The following DENND2A variants were observed in gnomAD, a reference collection of about 807,000 sequenced individuals.
The protein encoded by DENND2A is DENN domain-containing protein 2A.
DENND2A carries 53 observed loss-of-function variants against 105.3 expected under a neutral mutation model. The observed-to-expected ratio is 0.50, with a 90% confidence interval of 0.40 to 0.63. The LOEUF is 0.63. DENND2A is among the 30% of genes least tolerant of loss of function. The pLI is 0.00. For synonymous variants in DENND2A, 522 were observed against 508.4 expected (o/e 1.03, Z -0.36); for missense variants, 1,138 against 1,279.6 (o/e 0.89, Z 1.69).
At chr7:140,549,033 C>T (rs1797013720) in intron 12 of DENND2A, among the ~76,000 whole-genome samples, 2 of 151,632 alleles carry the variant, frequency 1.3e-5, no homozygotes, top group Non-Finnish European at 1.5e-5. Flanking sequence ...AGCCTGCCAA[C>T]ACGGTGAAAC....
At chr7:140,576,337 T>C (rs1415345726) in intron 5 of DENND2A, among the ~76,000 whole-genome samples, 1 of 152,204 alleles carries the variant, frequency 6.6e-6, no homozygotes, top group Non-Finnish European at 1.5e-5. Context: ...AAAAAAACTA[T>C]CTCCTTTTAG....
rs550331450 is a variant in DENND2A, at chr7:140,611,384, A to G, written c.-247-5578T>C. On this transcript the variant is annotated intron_variant, in intron 1 of 19. Transcript: ENST00000496613. The stretch of plus-strand genomic sequence containing the variant: ...CCATCTCTACAAAAAATAAAAAATA[A>G]AAAAATTGGCCAGGTGTGGTGGTGC... 1.1e-4 allele frequency among the ~76,000 whole-genome samples: 16 copies of G among 152,150 alleles called. No homozygotes were observed. In the South Asian group the frequency reaches 3.3e-3, roughly 32 times the overall value.
rs575632822 is a variant in DENND2A, at chr7:140,586,054, C to A, written c.1124-344G>T. On this transcript the variant is annotated intron_variant, in intron 4 of 19. Transcript: ENST00000496613. ...GGCATTCCCCGGCTCTAAAGGTGAA[C>A]AAATGACCTTGGCTGGTCTAATGAG... Among the ~76,000 whole-genome samples, 9 of 152,216 alleles carry A rather than the reference C, an allele frequency of 5.9e-5. No individual in the cohort carries two copies. In the South Asian group the frequency reaches 1.9e-3, roughly 32 times the overall value.
intron 14 of DENND2A, among the ~76,000 whole-genome samples, chr7:140,540,716 C>CTT (rs1238346613): frequency 6.6e-6 from 1 of 150,698 alleles, no homozygotes; most frequent in Non-Finnish European, 1.5e-5. Flanking sequence ...TTCCAGGTTT[C>CTT]TTTCTTTCTT....
chr7:140,635,682 C>T (rs1266276200), intron 1 of DENND2A, among the ~76,000 whole-genome samples: 1 of 152,228 alleles, frequency 6.6e-6, no homozygotes, highest in African/African-American at 2.4e-5. Flanking sequence ...AAAACGATCA[C>T]TTGGTTTCCC....
rs1301817270 is a variant in DENND2A, at chr7:140,601,448, T to C, written c.950A>G (p.Asn317Ser). The C allele has an allele frequency of 8.1e-6, 13 of 1,612,678 alleles. No homozygotes were observed. The highest frequency in any genetic ancestry group is 8.5e-6 in the Non-Finnish European group (10 of 1,179,552). Residue 317 changes from asparagine to serine, a missense_variant, in exon 3 of 20, where the codon AAC (asparagine) becomes AGC (serine). Asn to Ser is a conservative substitution (Grantham distance 46). This residue lies in a region of DENND2A where 511 missense variants were observed against 499.9 expected (regional missense o/e 1.02). Transcript: ENST00000496613. ...CTGTCTCCCGGTCCACAGTCTTCTGTTCACAGAGGAAGGTGGGGGAGAGGA... is the reference window on the plus strand; with the variant it reads ...CTGTCTCCCGGTCCACAGTCTTCTGCTCACAGAGGAAGGTGGGGGAGAGGA... ...LPSSPPPSSVNRRLWTGRQKS... is the reference protein window; with the variant it reads ...LPSSPPPSSVSRRLWTGRQKS...
intron 3 of DENND2A, 80 bp from the exon 4 acceptor site, chr7:140,587,860 C>T: frequency 3.0e-6 from 4 of 1,328,486 alleles, no homozygotes; most frequent in Non-Finnish European, 3.9e-6. Context: ...TAATATATCC[C>T]CTCGGCCAAA....
At position 140,529,510 on chromosome 7, in the gene DENND2A, C is replaced by T. The variant is rs546027963; in HGVS notation, c.2328-2015G>A. Among the ~76,000 whole-genome samples, 17 of 152,226 alleles carry T rather than the reference C, an allele frequency of 1.1e-4. 1 individual carries two copies. In the South Asian group the frequency reaches 2.5e-3, roughly 22 times the overall value. Reference sequence around the variant, plus strand: ...CCTGTGCCCACGTATGTTTATTGCACCACTATTCACAATAACAAAGACTTG... The same window carrying T: ...CCTGTGCCCACGTATGTTTATTGCATCACTATTCACAATAACAAAGACTTG... On this transcript the variant is annotated intron_variant, in intron 14 of 19. Transcript: ENST00000496613.
rs1354128082 is a variant in DENND2A, at chr7:140,552,227, C to T, written c.2037+3409G>A. ...GCCAACCCCAACATAAAGTGATGAG[C>T]ACTTCTGGTGGAGGGGAGGGGAGAC... On this transcript the variant is annotated intron_variant, in intron 12 of 19. Coordinates refer to ENST00000496613, the MANE Select transcript of DENND2A (RefSeq NM_015689.5). Among the ~76,000 whole-genome samples the T allele has an allele frequency of 2.0e-5, 3 of 152,156 alleles. No homozygotes were observed. In the East Asian group the frequency reaches 5.8e-4, roughly 29 times the overall value.
intron 11 of DENND2A, among the ~76,000 whole-genome samples, chr7:140,556,302 C>T (rs1314423252): frequency 1.3e-5 from 2 of 151,898 alleles, no homozygotes; most frequent in South Asian, 2.1e-4. Context: ...AGGTGAGAGC[C>T]ACTGCACCCT....
rs34329204 is a variant in DENND2A at position 140,623,720 on chromosome 7, G to GAA, written c.-248+16782_-248+16783dup. 5.1e-3 allele frequency among the ~76,000 whole-genome samples: 628 copies of GAA among 121,950 alleles called. 11 individuals are homozygous for GAA. The highest frequency in any genetic ancestry group is 0.023 in the South Asian group (85 of 3,770). The allele number at this position is 121,950 out of a possible 152,430, so 80.0% of individuals were successfully genotyped here. A position where few individuals can be genotyped will look rare whatever the true frequency, so the allele number is the denominator to read the frequency against. On this transcript the variant is annotated intron_variant, in intron 1 of 19. Coordinates refer to ENST00000496613, the MANE Select transcript of DENND2A (RefSeq NM_015689.5). ...GGGTGACAGAGCAAGACTCCGTCTAGAAAAAAAAAAAAAAAAGAGCATATG... is the reference window on the plus strand; with the variant it reads ...GGGTGACAGAGCAAGACTCCGTCTAGAAAAAAAAAAAAAAAAAAGAGCATATG...
intron 14 of DENND2A, among the ~76,000 whole-genome samples, chr7:140,540,885 T>G (rs1796633690): frequency 6.6e-6 from 1 of 152,028 alleles, no homozygotes; most frequent in African/African-American, 2.4e-5. Flanking sequence ...GACCAGCTAA[T>G]TTTTGTATTT....
chr7:140,518,829 A>T, intron 19 of DENND2A, 91 bp from the exon 20 acceptor site: 1 of 1,349,496 alleles, frequency 7.4e-7, no homozygotes, highest in Non-Finnish European at 1.1e-6. Flanking sequence ...GGTGCGGGTA[A>T]CGGGGCCCCC....
intron 13 of DENND2A, 133 bp from the exon 14 acceptor site, chr7:140,544,899 A>C: frequency 6.9e-7 from 1 of 1,457,164 alleles, no homozygotes; most frequent in South Asian, 1.4e-5. Context: ...GGAAAGAAAA[A>C]AAGCAAAACA....
chr7:140,617,392 T>G (rs915993594), intron 1 of DENND2A, among the ~76,000 whole-genome samples: 1 of 152,172 alleles, frequency 6.6e-6, no homozygotes, highest in African/African-American at 2.4e-5. Context: ...GGAATTTCTG[T>G]CCTTATAAAT....
At position 140,605,893 on chromosome 7, in the gene DENND2A, T is replaced by A. The variant is rs1799671291; in HGVS notation, c.-247-87A>T. ...CAAATCTAGGGCCCACACTCCAAAC[T>A]ATTTATTCCTGATAGATTCCACCCA... On this transcript the variant is annotated intron_variant, in intron 1 of 19. Transcript: ENST00000496613. 4 of 152,076 alleles carry A rather than the reference T, an allele frequency of 2.6e-5. No homozygotes were observed. In the South Asian group the frequency reaches 8.3e-4, roughly 32 times the overall value. The allele number at this position is 152,076 out of a possible 1,614,324, so 9.4% of individuals were successfully genotyped here. A position where few individuals can be genotyped will look rare whatever the true frequency, so the allele number is the denominator to read the frequency against.
intron 1 of DENND2A, among the ~76,000 whole-genome samples, chr7:140,626,263 A>G (rs1318415028): frequency 6.6e-6 from 1 of 152,098 alleles, no homozygotes; most frequent in Non-Finnish European, 1.5e-5. Context: ...CCTGCACACC[A>G]TGCATGCTGT....
chr7:140,552,258 C>T (rs565741316), intron 12 of DENND2A, among the ~76,000 whole-genome samples: 24 of 152,180 alleles, frequency 1.6e-4, no homozygotes, highest in African/African-American at 2.2e-4. Context: ...GAGACCTTGG[C>T]TCAGATTACA....
chr7:140,624,868 G>GTTTTTTTTTTTTTTT (rs1367069950), intron 1 of DENND2A, among the ~76,000 whole-genome samples: 2 of 109,212 alleles, frequency 1.8e-5, no homozygotes, highest in African/African-American at 7.6e-5. Context: ...GTTTTTTTTT[G>GTTTTTTTTTTTTTTT]TTTTTTTTTT....
Sources: allele counts gnomAD v4.1 joint callset (sites outside exome capture counted in the v4.1 genomes callset), GRCh38; gene constraint gnomAD v4.1.1; regional missense constraint gnomAD v4.1.1; transcripts MANE v1.5; gene names NCBI Gene and HGNC (gene_info 2026-07-23, HGNC 2026-07-21).